Variants in RABGAP1 observed in about 807,000 individuals in gnomAD.
The protein encoded by RABGAP1 is rab GTPase-activating protein 1.
In RABGAP1, 23 loss-of-function variants were observed where a neutral mutation model predicts 137.6. The observed-to-expected ratio is 0.17, with a 90% CI of 0.12 to 0.24. RABGAP1 has a LOEUF of 0.24. RABGAP1 is among the 10% of genes least tolerant of loss of function. The pLI is 1.00. For synonymous variants in RABGAP1, 451 were observed against 450.7 expected (o/e 1.00, Z -0.01); for missense variants, 906 against 1,275.8 (o/e 0.71, Z 4.42).
chr9:122,949,104 G>T (rs374235545), intron 1 of RABGAP1, among the ~76,000 whole-genome samples: 5 of 152,184 alleles, frequency 3.3e-5, no homozygotes, highest in Non-Finnish European at 5.9e-5. Context: ...GGCTAGGTGC[G>T]GTGGCTCACG....
intron 1 of RABGAP1, among the ~76,000 whole-genome samples, chr9:122,952,322 G>A (rs1451416756): frequency 1.5e-4 from 23 of 151,832 alleles, no homozygotes; most frequent in Admixed American, 1.4e-3. Flanking sequence ...GCAGTGGTGC[G>A]ATATTGGCTC....
intron 2 of RABGAP1, among the ~76,000 whole-genome samples, chr9:122,975,264 A>G (rs1213925826): frequency 6.6e-6 from 1 of 152,204 alleles, no homozygotes; most frequent in Non-Finnish European, 1.5e-5. Flanking sequence ...AAGGATCCCA[A>G]ACTGCCTGAA....
chr9:122,957,338 G>T (rs1199031002), intron 2 of RABGAP1, 129 bp downstream of exon 2: 1 of 709,282 alleles, frequency 1.4e-6, no homozygotes, highest in African/African-American at 1.8e-5. Flanking sequence ...TTTCTTTAAA[G>T]AATTTTATTT....
chr9:123,031,714 G>A (rs1303420435), intron 13 of RABGAP1, among the ~76,000 whole-genome samples: 1 of 152,136 alleles, frequency 6.6e-6, no homozygotes, highest in Non-Finnish European at 1.5e-5. Context: ...CGGAGTGCCT[G>A]GGAAAATGTT....
At chr9:123,091,959 G>T (rs868030033) in intron 21 of RABGAP1, among the ~76,000 whole-genome samples, 1 of 152,264 alleles carries the variant, frequency 6.6e-6, no homozygotes, top group Middle Eastern at 3.4e-3. Context: ...TGTACATGGA[G>T]CAGGGACTAC....
At chr9:122,952,219 A>T (rs1834288109) in intron 1 of RABGAP1, among the ~76,000 whole-genome samples, 1 of 152,106 alleles carries the variant, frequency 6.6e-6, no homozygotes, top group African/African-American at 2.4e-5. Flanking sequence ...TAATCCCAGC[A>T]CTTTGGGTGG....
chr9:123,101,429 C>T (rs2035341099), intron 24 of RABGAP1, 137 bp from the exon 25 acceptor site: 1 of 736,932 alleles, frequency 1.4e-6, no homozygotes, highest in African/African-American at 1.8e-5. Context: ...TGCCAGTTTA[C>T]AAAGAGCACA....
At chr9:122,947,794 G>C (rs1834019866) in intron 1 of RABGAP1, among the ~76,000 whole-genome samples, 1 of 152,130 alleles carries the variant, frequency 6.6e-6, no homozygotes, top group Admixed American at 6.5e-5. Flanking sequence ...TAATCAGAAA[G>C]CTTAAATTAT....
At chr9:123,024,329 A>G (rs2031827095) in intron 13 of RABGAP1, among the ~76,000 whole-genome samples, 1 of 152,202 alleles carries the variant, frequency 6.6e-6, no homozygotes, top group Non-Finnish European at 1.5e-5. Flanking sequence ...CCAGCAATGT[A>G]GTTGCATATA....
chr9:123,093,930 T>C (rs1018894687), intron 21 of RABGAP1, among the ~76,000 whole-genome samples: 1 of 152,238 alleles, frequency 6.6e-6, no homozygotes, highest in Non-Finnish European at 1.5e-5. Context: ...TTTTCCTTTA[T>C]TAAGATCTTT....
At chr9:122,935,442 A>T in the RABGAP1 span, among the ~76,000 whole-genome samples, 4 of 151,908 alleles carry the variant, frequency 2.6e-5, no homozygotes, top group Non-Finnish European at 4.4e-5. Flanking sequence ...GGTTCAATTG[A>T]TTCTCCTGCC....
In RABGAP1 at chr9:123,103,081, C is replaced by T; in HGVS notation, c.3088-10C>T. 1 of 1,613,026 alleles carries T rather than the reference C, an allele frequency of 6.2e-7. No homozygotes were observed. Reference sequence around the variant, plus strand: ...GCCCAGCATCCTCATGCACACTGTTCCTCTTGCAGGACTTGGAACACCATT... The same window carrying T: ...GCCCAGCATCCTCATGCACACTGTTTCTCTTGCAGGACTTGGAACACCATT... On this transcript the variant is annotated splice_polypyrimidine_tract_variant and intron_variant, in intron 25 of 25. Transcript: ENST00000373647.
chr9:123,029,514 C>G (rs1462043293), intron 13 of RABGAP1: 8 of 877,346 alleles, frequency 9.1e-6, no homozygotes, highest in South Asian at 7.8e-5. Context: ...GCCAGGGAAC[C>G]TCAAATCTTC....
intron 13 of RABGAP1, chr9:123,063,357 C>A (rs1001688737): frequency 6.5e-6 from 1 of 152,684 alleles, no homozygotes; most frequent in Non-Finnish European, 1.5e-5. Context: ...AGGAATAAAG[C>A]TTCTGTAAAC....
intron 6 of RABGAP1, 182 bp downstream of exon 6, chr9:122,990,395 A>G: frequency 2.2e-6 from 1 of 459,718 alleles, no homozygotes; most frequent in Admixed American, 4.3e-5. Flanking sequence ...AGAATTTTAA[A>G]GCAATTAAAA....
intron 13 of RABGAP1, among the ~76,000 whole-genome samples, chr9:123,021,521 A>G (rs2031639551): frequency 1.3e-5 from 2 of 152,056 alleles, no homozygotes; most frequent in African/African-American, 4.8e-5. Context: ...GGGTTTCTCC[A>G]TTTTGGCCAG....
Position 123,051,216 on chromosome 9 carries a change from G to GTTTTTTTTTTTTTTTTTTTTT in RABGAP1, c.1795-14104_1795-14084dup, listed in dbSNP as rs552457119. On this transcript the variant is annotated intron_variant, in intron 13 of 25. Transcript: ENST00000373647. Reference sequence around the variant, plus strand: ...ACATGTTGTGATTTTATTCACCTTGGTTTTTTTTTTTTTTTTTTTTTTTTT... The same window carrying GTTTTTTTTTTTTTTTTTTTTT: ...ACATGTTGTGATTTTATTCACCTTGGTTTTTTTTTTTTTTTTTTTTTTTTTTTTTTTTTTTTTTTTTTTTTT... 1.5e-4 allele frequency among the ~76,000 whole-genome samples: 5 copies of GTTTTTTTTTTTTTTTTTTTTT among 34,280 alleles called. 2 individuals carry two copies. Among genetic ancestry groups the GTTTTTTTTTTTTTTTTTTTTT allele is most frequent in the Non-Finnish European group, 2.8e-4 (5 of 17,836 alleles). 22.5% of individuals were successfully genotyped at this position (34,280 alleles called of 152,430 possible).
chr9:123,101,902 T>C (rs1240211498), intron 25 of RABGAP1, 139 bp downstream of exon 25: 14 of 884,270 alleles, frequency 1.6e-5, no homozygotes, highest in African/African-American at 6.9e-5. Context: ...AGAAGAAATA[T>C]AGGACTTGTT....
chr9:123,043,444 T>C (rs1042453085), intron 13 of RABGAP1, among the ~76,000 whole-genome samples: 3 of 152,032 alleles, frequency 2.0e-5, no homozygotes, highest in East Asian at 1.9e-4. Context: ...GAATTGGTGA[T>C]AGATACATAG....
Sources: gnomAD v4.1 joint callset for allele counts (sites outside exome capture counted in the v4.1 genomes callset) on GRCh38, gnomAD v4.1.1 for gene constraint, MANE v1.5 for transcripts, NCBI Gene and HGNC (gene_info 2026-07-23, HGNC 2026-07-21) for gene names.